CAMKMT: variants seen among roughly 807,000 people sequenced by gnomAD.
CAMKMT encodes CaM KMT.
A neutral mutation model predicts 48.0 loss-of-function variants in CAMKMT; 53 were observed. The observed-to-expected ratio is 1.10, with a 90% CI of 0.89 to 1.39. The LOEUF is 1.39. Ranked by LOEUF, CAMKMT falls within the 40% of genes most tolerant of loss-of-function variation. The probability of loss-of-function intolerance (pLI) is 0.00; values close to 1 mark genes in which losing one functional copy is unlikely to be tolerated. For missense variants in CAMKMT, 428 were observed against 402.7 expected, an observed-to-expected ratio of 1.06 and a Z score of -0.54; for synonymous variants, 165 against 152.3, an observed-to-expected ratio of 1.08 and a Z score of -0.61.
intron 3 of CAMKMT, among the ~76,000 whole-genome samples, chr2:44,628,206 C>T (rs1023639876): frequency 3.9e-5 from 6 of 152,124 alleles, no homozygotes; most frequent in African/African-American, 1.4e-4. Context: ...CCTTGGGGTC[C>T]CAAAGTGCTG....
chr2:44,628,753 T>C (rs899061199), intron 3 of CAMKMT, among the ~76,000 whole-genome samples: 1 of 152,196 alleles, frequency 6.6e-6, no homozygotes, highest in African/African-American at 2.4e-5. Context: ...TTAATGTTTC[T>C]TATGATTTAT....
chr2:44,472,715 T>C (rs1668486299), intron 3 of CAMKMT, among the ~76,000 whole-genome samples: 1 of 152,166 alleles, frequency 6.6e-6, no homozygotes, highest in Non-Finnish European at 1.5e-5. Context: ...TTTCCTAAAT[T>C]ATGCATCCCA....
intron 3 of CAMKMT, among the ~76,000 whole-genome samples, chr2:44,413,134 G>A (rs2104484207): frequency 6.6e-6 from 1 of 151,972 alleles, no homozygotes. Flanking sequence ...AACTAATGGT[G>A]TTATCTATTC....
chr2:44,692,906 C>T (rs1424149545), intron 3 of CAMKMT, among the ~76,000 whole-genome samples: 1 of 152,146 alleles, frequency 6.6e-6, no homozygotes, highest in Non-Finnish European at 1.5e-5. Flanking sequence ...ATGAATTCAG[C>T]CTCCTCATTT....
At position 44,743,696 on chromosome 2, in the gene CAMKMT, G is replaced by C. The variant is rs1367042017; in HGVS notation, c.698G>C (p.Cys233Ser). Residue 233 changes from cysteine to serine, a missense_variant and splice_region_variant, in exon 8 of 11, where the codon TGC becomes TCC. Physicochemically the swap from Cys to Ser is moderately radical, Grantham distance 112 (BLOSUM62 -1). Transcript: ENST00000378494. The part of the protein sequence containing the change: ...GHFDIVMCAD[C>S]LFLDQYRASL... ...TTTGACATTGTTATGTGTGCTGACTGGTAAGTACATAAAAATCACAAAACT... is the reference window on the plus strand; with the variant it reads ...TTTGACATTGTTATGTGTGCTGACTCGTAAGTACATAAAAATCACAAAACT... 1 of 1,607,162 alleles carries C rather than the reference G, an allele frequency of 6.2e-7. No homozygotes were observed. Among genetic ancestry groups the C allele is most frequent in the South Asian group, 1.1e-5 (1 of 90,284 alleles).
chr2:44,592,306 T>C (rs901826113), intron 3 of CAMKMT, among the ~76,000 whole-genome samples: 4 of 91,394 alleles, frequency 4.4e-5, no homozygotes, highest in Non-Finnish European at 5.1e-5. Flanking sequence ...TCTTTGATAG[T>C]TGGTGTCTTT....
At chr2:44,402,305 G>GTGCT (rs59646499) in intron 3 of CAMKMT, among the ~76,000 whole-genome samples, 2 of 52,086 alleles carry the variant, frequency 3.8e-5, no homozygotes, top group African/African-American at 3.7e-5. Context: ...CCCCAGCTTG[G>GTGCT]GTGACACAGC....
chr2:44,681,474 C>T (rs1449402954), intron 3 of CAMKMT, among the ~76,000 whole-genome samples: 3 of 151,642 alleles, frequency 2.0e-5, no homozygotes, highest in South Asian at 2.1e-4. Flanking sequence ...ATTCGGCAAC[C>T]AAATCCTTAT....
At chr2:44,693,366 T>C (rs1202397308) in intron 3 of CAMKMT, among the ~76,000 whole-genome samples, 1 of 152,210 alleles carries the variant, frequency 6.6e-6, no homozygotes, top group Non-Finnish European at 1.5e-5. Flanking sequence ...TCCAGTCTTA[T>C]CTTGTATTAC....
chr2:44,606,905 G>A (rs753780202), intron 3 of CAMKMT, among the ~76,000 whole-genome samples: 11 of 150,780 alleles, frequency 7.3e-5, no homozygotes, highest in Admixed American at 4.0e-4. Context: ...TTCCCTACCC[G>A]CCCTTCCATT....
At chr2:44,708,538 A>C (rs557901231) in intron 6 of CAMKMT, among the ~76,000 whole-genome samples, 1 of 152,198 alleles carries the variant, frequency 6.6e-6, no homozygotes, top group Admixed American at 6.5e-5. Context: ...GGAAGGAAAA[A>C]CAGCCAATCA....
At chr2:44,623,362 G>A (rs1388963535) in intron 3 of CAMKMT, among the ~76,000 whole-genome samples, 5 of 152,114 alleles carry the variant, frequency 3.3e-5, no homozygotes, top group African/African-American at 1.2e-4. Context: ...TGGTTTTGGT[G>A]CAATTGCTTT....
chr2:44,462,599 C>G (rs1198789412), intron 3 of CAMKMT, among the ~76,000 whole-genome samples: 1 of 151,862 alleles, frequency 6.6e-6, no homozygotes, highest in East Asian at 1.9e-4. Flanking sequence ...ATTCATATAT[C>G]TATATGAATT....
chr2:44,694,182 C>T (rs1438227664), intron 3 of CAMKMT, among the ~76,000 whole-genome samples: 2 of 152,224 alleles, frequency 1.3e-5, no homozygotes, highest in Non-Finnish European at 1.5e-5. Flanking sequence ...CCAAGCTTAG[C>T]TGGATCCTCA....
At chr2:44,679,188 C>G (rs1265890931) in intron 3 of CAMKMT, among the ~76,000 whole-genome samples, 1 of 152,142 alleles carries the variant, frequency 6.6e-6, no homozygotes, top group Non-Finnish European at 1.5e-5. Context: ...GTGGGTGAAT[C>G]AATGCTTGAG....
At chr2:44,608,228 G>A (rs1572908624) in intron 3 of CAMKMT, among the ~76,000 whole-genome samples, 1 of 151,358 alleles carries the variant, frequency 6.6e-6, no homozygotes, top group Admixed American at 6.6e-5. Context: ...ACCCACCACC[G>A]CGCCTGGCTA....
intron 3 of CAMKMT, among the ~76,000 whole-genome samples, chr2:44,604,558 G>GTT (rs34125010): frequency 0.35 from 50,126 of 143,178 alleles, 10,126 homozygotes; most frequent in Middle Eastern, 0.49. Flanking sequence ...AGCCAATCTG[G>GTT]TTTTTTTTTT....
intron 3 of CAMKMT, among the ~76,000 whole-genome samples, chr2:44,495,833 C>T (rs1423820273): frequency 2.0e-5 from 3 of 152,170 alleles, no homozygotes; most frequent in African/African-American, 4.8e-5. Flanking sequence ...ACAGGACCAG[C>T]TAAAAGTTTT....
At chr2:44,489,802 C>T (rs550541530) in intron 3 of CAMKMT, among the ~76,000 whole-genome samples, 1 of 152,076 alleles carries the variant, frequency 6.6e-6, no homozygotes, top group African/African-American at 2.4e-5. Flanking sequence ...ATTAAAAAAA[C>T]ACTTTCAATG....
Sources: gnomAD v4.1 joint callset for allele counts (sites outside exome capture counted in the v4.1 genomes callset) on GRCh38, gnomAD v4.1.1 for gene constraint, MANE v1.5 for transcripts, NCBI Gene and HGNC (gene_info 2026-07-23, HGNC 2026-07-21) for gene names.